Variants in ZNF717 observed in about 807,000 individuals in gnomAD.
The protein encoded by ZNF717 is krueppel-like factor X17.
A neutral mutation model predicts 13.8 loss-of-function variants in ZNF717; 9 were observed. That is an observed-to-expected ratio of 0.65 (90% confidence interval 0.39 to 1.14). The LOEUF (loss-of-function observed/expected upper bound fraction) is 1.14. Among genes scored for constraint, ZNF717 ranks in the 50% most tolerant of loss-of-function variants. ZNF717 has a pLI of 0.01. For missense variants in ZNF717, 1,040 were observed against 1,080.7 expected, an observed-to-expected ratio of 0.96 and a Z score of 0.53; for synonymous variants, 327 against 364.1, an observed-to-expected ratio of 0.90 and a Z score of 1.16.
chr3:75,702,631 T>C (rs1220300700), intron 6 of ZNF717, among the ~76,000 whole-genome samples: 1 of 152,426 alleles, frequency 6.6e-6, no homozygotes, highest in Non-Finnish European at 1.5e-5. Context: ...TTGGATTGTT[T>C]ATAACACAAG....
intron 2 of ZNF717, among the ~76,000 whole-genome samples, chr3:75,755,226 T>A (rs1300743746): frequency 3.3e-5 from 5 of 152,362 alleles, no homozygotes; most frequent in Non-Finnish European, 7.3e-5. Flanking sequence ...ACAAAAGATA[T>A]ATAACTGAAA....
At chr3:75,695,866 T>TA (rs1407657566) in intron 6 of ZNF717, among the ~76,000 whole-genome samples, 1 of 151,974 alleles carries the variant, frequency 6.6e-6, no homozygotes, top group African/African-American at 2.4e-5. Context: ...AGTGCCAACA[T>TA]AAAAAACAGA....
chr3:75,740,787 T>G (rs1390192622), intron 4 of ZNF717, among the ~76,000 whole-genome samples: 6 of 152,260 alleles, frequency 3.9e-5, no homozygotes, highest in Non-Finnish European at 7.4e-5. Flanking sequence ...ACTATAATCA[T>G]GCCACTGCAC....
chr3:75,742,264 C>A (rs1940566806), intron 2 of ZNF717, among the ~76,000 whole-genome samples: 1 of 145,270 alleles, frequency 6.9e-6, no homozygotes, highest in Admixed American at 7.3e-5. Flanking sequence ...TTTGACAGTG[C>A]AGTGAGTTAT....
At chr3:75,777,081 T>C (rs919286076) in intron 2 of ZNF717, among the ~76,000 whole-genome samples, 2 of 152,188 alleles carry the variant, frequency 1.3e-5, no homozygotes, top group Non-Finnish European at 2.9e-5. Context: ...GTTTTAAGAG[T>C]TTGCATGCAG....
intron 2 of ZNF717, among the ~76,000 whole-genome samples, 189 bp downstream of exon 2, chr3:75,783,117 T>C (rs993871242): frequency 6.6e-6 from 1 of 152,204 alleles, no homozygotes; most frequent in Non-Finnish European, 1.5e-5. Flanking sequence ...AGAGGAAAAT[T>C]TGCACTCAAC....
rs913047138 is a variant in ZNF717, at chr3:75,739,079, C to T, written c.544G>A (p.Val182Ile). Residue 182 changes from valine to isoleucine, a missense_variant, in exon 5 of 5, where the codon GTC becomes ATC. Val to Ile is a conservative substitution (Grantham distance 29). This residue lies in a region of ZNF717 where 873 missense variants were observed against 832.8 expected (regional missense o/e 1.05). Transcript: ENST00000652011. ...GETQSGEKPH[V>I]CDITRRSHRH... ...TGGGATCTCCTGGTTATATCACAGA[C>T]ATGAGGTTTCTCTCCAGACTGTGTC... is the stretch of plus-strand genomic sequence containing the variant. 1 of 1,551,562 alleles carries T rather than the reference C, an allele frequency of 6.4e-7. No homozygotes were observed. The highest frequency in any genetic ancestry group is 8.7e-7 in the Non-Finnish European group (1 of 1,146,914).
chr3:75,731,961 A>G (rs1230171752), downstream of ZNF717: 575 of 670,638 alleles, frequency 8.6e-4, 1 homozygote, highest in Non-Finnish European at 1.4e-3. Context: ...ATCTTGAACT[A>G]TAACTGGTGA....
intron 4 of ZNF717, among the ~76,000 whole-genome samples, chr3:75,718,121 G>A (rs952546598): frequency 2.0e-5 from 3 of 152,172 alleles, no homozygotes; most frequent in Admixed American, 1.3e-4. Context: ...GAGCCACGTC[G>A]AACATGGACC....
intron 2 of ZNF717, among the ~76,000 whole-genome samples, chr3:75,747,109 G>A (rs1364657394): frequency 2.0e-5 from 3 of 152,148 alleles, no homozygotes; most frequent in East Asian, 1.9e-4. Flanking sequence ...ACCACCATTT[G>A]TTAAATAGGG....
chr3:75,760,336 G>T (rs1332371769), intron 2 of ZNF717, among the ~76,000 whole-genome samples: 2 of 152,258 alleles, frequency 1.3e-5, no homozygotes, highest in East Asian at 3.8e-4. Flanking sequence ...GAGCCACTGT[G>T]CCTGGCCTGG....
Position 75,721,064 on chromosome 3 carries a change from T to C in ZNF717, n.545-4523A>G, listed in dbSNP as rs1354441884. On this transcript the variant is annotated intron_variant and non_coding_transcript_variant, in intron 4 of 5. Coordinates refer to the ZNF717 transcript ENST00000491507. ...TGGCTATAAAAACACAAAATATTGATTAAAGTTTAATAAAAACATGAAAAT... is the reference window on the plus strand; with the variant it reads ...TGGCTATAAAAACACAAAATATTGACTAAAGTTTAATAAAAACATGAAAAT... Among the ~76,000 whole-genome samples the C allele has an allele frequency of 2.0e-5, 3 of 152,256 alleles. No individual in the cohort carries two copies. The East Asian group carries it at 5.8e-4, about 29-fold the overall frequency.
exon 6 of ZNF717, chr3:75,709,978 G>A (rs1368316921): frequency 1.3e-5 from 2 of 152,118 alleles, no homozygotes; most frequent in African/African-American, 2.4e-5. Flanking sequence ...AATCCTTTTA[G>A]GCATATTTGG....
intron 2 of ZNF717, among the ~76,000 whole-genome samples, chr3:75,772,107 C>T (rs1943940465): frequency 6.6e-6 from 1 of 152,246 alleles, no homozygotes; most frequent in Non-Finnish European, 1.5e-5. Flanking sequence ...GCTCAAACAG[C>T]CTGGGCACTG....
At chr3:75,726,725 AT>A (rs1385732341), downstream of ZNF717, among the ~76,000 whole-genome samples, 53 of 152,336 alleles carry the variant, frequency 3.5e-4, no homozygotes, top group Non-Finnish European at 6.2e-4. Flanking sequence ...GTGATTCTGC[AT>A]TTAAATATTT....
chr3:75,737,514 C>G lies in ZNF717; in HGVS notation c.2109G>C (p.Met703Ile). 1.3e-5 allele frequency: 20 copies of G among 1,554,362 alleles called. No individual in the cohort carries two copies. The highest frequency in any genetic ancestry group is 1.7e-5 in the Non-Finnish European group (20 of 1,148,656). ...AAGGATTTTCCACATTCATTACATT[C>G]ATAGGGCTTTTCCCCGGTGTGAGTT... ...IRELTPGKSPMNVMNVENPFI... is the reference protein window; with the variant it reads ...IRELTPGKSPINVMNVENPFI... The change falls in exon 5 of 5, where the codon ATG becomes ATC. Residue 703 changes from methionine (M) to isoleucine (I), a missense_variant. Physicochemically the swap from Met to Ile is conservative, Grantham distance 10 (BLOSUM62 1). Around this residue, in one of 3 missense-constraint regions of ZNF717, gnomAD observed 873 missense variants for 832.8 expected, o/e 1.05. Transcript: ENST00000652011.
At chr3:75,700,307 T>C (rs1364064421) in intron 6 of ZNF717, among the ~76,000 whole-genome samples, 1 of 152,302 alleles carries the variant, frequency 6.6e-6, no homozygotes, top group Non-Finnish European at 1.5e-5. Flanking sequence ...GGCAGAGAAT[T>C]GCTTGAACCC....
At chr3:75,727,803 C>T (rs1938318072), downstream of ZNF717, among the ~76,000 whole-genome samples, 2 of 152,202 alleles carry the variant, frequency 1.3e-5, no homozygotes, top group African/African-American at 4.8e-5. Flanking sequence ...TTGTGACCTA[C>T]TCCCTGTTCG....
At chr3:75,730,814 C>T (rs1474411232) in intron 5 of ZNF717, among the ~76,000 whole-genome samples, 2 of 152,196 alleles carry the variant, frequency 1.3e-5, no homozygotes, top group Non-Finnish European at 2.9e-5. Context: ...AAGAAAAGCT[C>T]AATATTAGAA....
Sources: gnomAD v4.1 joint callset for allele counts (sites outside exome capture counted in the v4.1 genomes callset) on GRCh38, gnomAD v4.1.1 for gene constraint, gnomAD v4.1.1 regional missense constraint, MANE v1.5 for transcripts, NCBI Gene and HGNC (gene_info 2026-07-23, HGNC 2026-07-21) for gene names.